The following FBXL5 variants were observed in gnomAD, a reference collection of about 807,000 sequenced individuals.
FBXL5 encodes the protein F-box/LRR-repeat protein 5.
Under a neutral mutation model 78.3 loss-of-function variants are expected in FBXL5, and 26 were observed. The observed-to-expected ratio is 0.33, with a 90% CI of 0.24 to 0.46. FBXL5 has a LOEUF of 0.46. Among genes scored for constraint, FBXL5 ranks in the 20% least tolerant of loss-of-function variants. FBXL5 has a pLI of 1.00. For synonymous variants in FBXL5, 295 were observed against 282.5 expected, an observed-to-expected ratio of 1.04 and a Z score of -0.45; for missense variants, 710 against 829.2, an observed-to-expected ratio of 0.86 and a Z score of 1.77.
intron 9 of FBXL5, among the ~76,000 whole-genome samples, chr4:15,621,686 A>ACT (rs1560215992): frequency 1.3e-5 from 2 of 152,232 alleles, no homozygotes; most frequent in East Asian, 1.9e-4. Flanking sequence ...AAAAATTTAG[A>ACT]TAAGAGGCTA....
chr4:15,607,833 T>A (rs1340016865), intron 10 of FBXL5, among the ~76,000 whole-genome samples: 2 of 152,212 alleles, frequency 1.3e-5, no homozygotes, highest in African/African-American at 4.8e-5. Flanking sequence ...TTTTATCAGA[T>A]TAAAATTCCA....
chr4:15,628,174 T>A, intron 6 of FBXL5, 141 bp from the exon 7 acceptor site: 2 of 840,744 alleles, frequency 2.4e-6, no homozygotes, highest in Non-Finnish European at 3.5e-6. Flanking sequence ...TTTTAGGCAA[T>A]GAAAAGGTTT....
chr4:15,612,876 C>T (rs992027477), intron 9 of FBXL5, among the ~76,000 whole-genome samples: 1 of 152,062 alleles, frequency 6.6e-6, no homozygotes, highest in Non-Finnish European at 1.5e-5. Flanking sequence ...GAATTAAAAC[C>T]ATGTTTACAC....
chr4:15,643,080 A>T (rs1332314387), intron 2 of FBXL5, among the ~76,000 whole-genome samples: 2 of 152,210 alleles, frequency 1.3e-5, no homozygotes, highest in Non-Finnish European at 2.9e-5. Context: ...ATGATACAAA[A>T]TTCAAAGAAT....
intron 4 of FBXL5, among the ~76,000 whole-genome samples, chr4:15,636,934 T>G (rs910199148): frequency 2.0e-5 from 3 of 152,182 alleles, no homozygotes; most frequent in African/African-American, 7.2e-5. Flanking sequence ...ATTAACTTCC[T>G]CTTACAAAGG....
chr4:15,612,113 T>G, intron 10 of FBXL5, 153 bp downstream of exon 10: 1 of 582,098 alleles, frequency 1.7e-6, no homozygotes, highest in East Asian at 3.4e-5. Context: ...AATGAAAATG[T>G]AATTTTAAAA....
At chr4:15,610,658 T>C (rs573415736) in intron 10 of FBXL5, among the ~76,000 whole-genome samples, 2 of 152,130 alleles carry the variant, frequency 1.3e-5, no homozygotes, top group South Asian at 4.1e-4. Flanking sequence ...TTTAAAAACA[T>C]ACAAACATAA....
chr4:15,615,977 A>T (rs1317705326), intron 9 of FBXL5, among the ~76,000 whole-genome samples: 2 of 152,140 alleles, frequency 1.3e-5, no homozygotes, highest in Non-Finnish European at 2.9e-5. Context: ...ATGAGCTGTA[A>T]CACTCACCGC....
In FBXL5 at chr4:15,655,272, C is replaced by T; in HGVS notation, c.16G>A (p.Glu6Lys). Residue 6 changes from glutamate (E) to lysine (K), a missense_variant, in exon 1 of 11, where the codon GAA becomes AAA. By Grantham distance (56) the Glu-to-Lys change is moderately conservative. Around this residue, in one of 4 missense-constraint regions of FBXL5, gnomAD observed 132 missense variants for 156.9 expected, o/e 0.84. Coordinates refer to ENST00000341285, the MANE Select transcript of FBXL5 (RefSeq NM_012161.4). MAPFP[E>K]EVDVFTAPHW... ...GGGGCGGTGAAGACGTCCACTTCTT[C>T]AGGAAAGGGCGCCATCGCCACTGCC... 1 of 1,433,724 alleles carries T rather than the reference C, an allele frequency of 7.0e-7. No individual in the cohort carries two copies. The highest frequency in any genetic ancestry group is 9.3e-7 in the Non-Finnish European group (1 of 1,073,606). 88.8% of individuals were successfully genotyped at this position (1,433,724 alleles called of 1,614,324 possible).
In FBXL5 at chr4:15,628,037, T is replaced by C. The variant is rs1205536008; in HGVS notation, c.893-4A>G. ...ATTGATTCCTCCGCAGACTCTTCTG[T>C]AAAATGAATTCAAAAGTCCAAGAAC... On this transcript the variant is annotated splice_polypyrimidine_tract_variant and splice_region_variant and intron_variant, in intron 6 of 10. Transcript: ENST00000341285. 3 of 1,602,418 alleles carry C rather than the reference T, an allele frequency of 1.9e-6. No individual in the cohort carries two copies. The East Asian group carries it at 6.7e-5, about 36-fold the overall frequency.
intron 9 of FBXL5, among the ~76,000 whole-genome samples, chr4:15,619,782 A>G (rs1712294444): frequency 6.6e-6 from 1 of 152,208 alleles, no homozygotes; most frequent in Non-Finnish European, 1.5e-5. Flanking sequence ...CGGGAGTTTG[A>G]GTTGAGCCTC....
At chr4:15,616,386 C>CTCCTGCCATGCAA (rs376126835) in intron 9 of FBXL5, among the ~76,000 whole-genome samples, 1 of 151,636 alleles carries the variant, frequency 6.6e-6, no homozygotes, top group African/African-American at 2.4e-5. Context: ...GCAGGTCTCA[C>CTCCTGCCATGCAA]CCCCAACAGC....
Position 15,640,853 on chromosome 4 carries a change from G to A in FBXL5, c.331C>T (p.Gln111Ter). ...AAAGCCTCCAATCTCTCTTTCAGTT[G>A]TTTTGCATAATTTAACTGTTCATAT... ...NEYEQLNYAKQLKERLEAFTR... is the reference protein window; with the variant it reads ...NEYEQLNYAK Residue 111 changes from glutamine to a stop codon, truncating the protein, a stop_gained, in exon 3 of 11, where the codon CAA becomes TAA. Transcript: ENST00000341285. LOFTEE classifies it high-confidence loss of function. 6.4e-7 allele frequency: 1 copy of A among 1,550,440 alleles called. No individual in the cohort carries two copies. Among genetic ancestry groups the A allele is most frequent in the Non-Finnish European group, 8.7e-7 (1 of 1,150,160 alleles).
intron 9 of FBXL5, among the ~76,000 whole-genome samples, chr4:15,618,703 G>A (rs569016703): frequency 1.4e-3 from 208 of 151,978 alleles, no homozygotes; most frequent in African/African-American, 4.5e-3. Context: ...TTAGCTGGGC[G>A]TGGTGGCACG....
chr4:15,609,997 A>G (rs1240079108), intron 10 of FBXL5, among the ~76,000 whole-genome samples: 2 of 152,116 alleles, frequency 1.3e-5, no homozygotes, highest in Non-Finnish European at 1.5e-5. Context: ...TTTAAAAAAT[A>G]TATTTTTAGC....
Position 15,605,594 on chromosome 4 carries a change from G to GT in FBXL5, c.*128dup. 1.5e-6 allele frequency: 1 copy of GT among 678,958 alleles called. No homozygotes were observed. The highest frequency in any genetic ancestry group is 2.8e-5 in the East Asian group (1 of 35,480). 42.1% of individuals were successfully genotyped at this position (678,958 alleles called of 1,614,324 possible). ...CTGGTAAATTAAGATTTCTGAAGTT[G>GT]TAAGAAATGGGGCCAAAACAAGTCA... On this transcript the variant is annotated 3_prime_UTR_variant, in exon 11 of 11. Transcript: ENST00000341285.
Position 15,637,902 on chromosome 4 carries a change from T to TTA in FBXL5, c.583+605_583+606insTA, listed in dbSNP as rs1184051081. Among the ~76,000 whole-genome samples the TTA allele has an allele frequency of 4.9e-3, 712 of 144,842 alleles. 7 individuals carry two copies. The highest frequency in any genetic ancestry group is 0.016 in the African/African-American group (648 of 39,580). On this transcript the variant is annotated intron_variant, in intron 4 of 10. Transcript: ENST00000341285. ...ATAATTACTGAGGAACTAGTTTTTT[T>TTA]AAAAAAAAAAAAAAAGGCAGCACGT...
chr4:15,636,139 TA>T (rs1158771080), intron 5 of FBXL5, among the ~76,000 whole-genome samples: 11 of 152,160 alleles, frequency 7.2e-5, no homozygotes, highest in Non-Finnish European at 1.0e-4. Context: ...GAAAGCTTAC[TA>T]ATTGAATTTT....
upstream of FBXL5, among the ~76,000 whole-genome samples, chr4:15,664,639 C>T (rs1438845500): frequency 7.1e-6 from 1 of 140,622 alleles, no homozygotes; most frequent in Non-Finnish European, 1.5e-5. Context: ...CTCACTGCAA[C>T]CTCTGCCTCC....
Sources: gnomAD v4.1 joint callset for allele counts (sites outside exome capture counted in the v4.1 genomes callset) on GRCh38, gnomAD v4.1.1 for gene constraint, gnomAD v4.1.1 regional missense constraint, MANE v1.5 for transcripts, NCBI Gene and HGNC (gene_info 2026-07-23, HGNC 2026-07-21) for gene names.